PLAG1: variants seen among roughly 807,000 people sequenced by gnomAD.
PLAG1 encodes PLAG1 zinc finger.
PLAG1 carries 7 observed loss-of-function variants against 35.5 expected under a neutral mutation model. The observed-to-expected ratio is 0.20, with a 90% CI of 0.11 to 0.37. PLAG1 has a LOEUF of 0.37. PLAG1 is among the 10% of genes least tolerant of loss of function. The pLI, the probability that PLAG1 is intolerant of heterozygous loss-of-function variation, is 1.00. For missense variants in PLAG1, 454 were observed against 602.8 expected (o/e 0.75, Z 2.58); for synonymous variants, 229 against 225.4 (o/e 1.02, Z -0.14).
chr8:56,195,307 A>G (rs1259335860), intron 1 of PLAG1, among the ~76,000 whole-genome samples: 3 of 152,174 alleles, frequency 2.0e-5, no homozygotes, highest in Non-Finnish European at 4.4e-5. Context: ...CTGGGAATCA[A>G]GACAATACCC....
intron 1 of PLAG1, among the ~76,000 whole-genome samples, chr8:56,181,685 C>G (rs772283364): frequency 6.6e-6 from 1 of 151,990 alleles, no homozygotes; most frequent in Non-Finnish European, 1.5e-5. Context: ...CAAACCTGCA[C>G]GTTCTGCACA....
In PLAG1 at chr8:56,167,439, G is replaced by T; in HGVS notation, c.307C>A (p.Arg103=). ...KCNYCEKMFH[R]KDHLKNHLHT... is the part of the protein sequence containing the mutation. Reference sequence around the variant, plus strand: ...AGGTGATTCTTCAGATGATCTTTCCGGTGAAACATTTTCTCACAATAATTA... The same window carrying T: ...AGGTGATTCTTCAGATGATCTTTCCTGTGAAACATTTTCTCACAATAATTA... The change falls in exon 5 of 5, where the codon CGG becomes AGG. Residue 103 remains arginine, a synonymous_variant. Transcript: ENST00000316981. The surrounding 1 kb of genome is among the most constrained non-coding windows in gnomAD (Gnocchi z 5.9). 1 of 1,612,654 alleles carries T rather than the reference G, an allele frequency of 6.2e-7. No homozygotes were observed. Among genetic ancestry groups the T allele is most frequent in the Non-Finnish European group, 8.5e-7 (1 of 1,179,116 alleles).
intron 1 of PLAG1, among the ~76,000 whole-genome samples, chr8:56,187,668 T>G (rs761141529): frequency 3.3e-5 from 5 of 152,190 alleles, no homozygotes; most frequent in Non-Finnish European, 5.9e-5. Flanking sequence ...TTGTTTTTTT[T>G]GGGCACAGGC....
chr8:56,199,079 C>T (rs577848349), intron 1 of PLAG1, among the ~76,000 whole-genome samples: 6 of 152,228 alleles, frequency 3.9e-5, no homozygotes, highest in South Asian at 2.1e-4. Flanking sequence ...CTAAAGGTAC[C>T]GCAGGAGTGG....
chr8:56,177,958 C>T lies in PLAG1; in HGVS notation c.-217+1451G>A, dbSNP rs562335944. ...CTCAAAAGCCAGGGAGTCTCAGGCA[C>T]GTGCTACCCAGAGCCCGCCAAGCAC... On this transcript the variant is annotated intron_variant, in intron 2 of 4. Transcript: ENST00000316981. 25 of 808,236 alleles carry T rather than the reference C, an allele frequency of 3.1e-5. No individual in the cohort carries two copies. The South Asian group carries it at 4.0e-4, about 13-fold the overall frequency. 50.1% of individuals were successfully genotyped at this position (808,236 alleles called of 1,614,324 possible).
intron 1 of PLAG1, among the ~76,000 whole-genome samples, chr8:56,194,014 G>C (rs1373168230): frequency 1.3e-5 from 2 of 151,946 alleles, no homozygotes; most frequent in Admixed American, 1.3e-4. Context: ...CACCACGCCC[G>C]GCCTTCATTA....
intron 1 of PLAG1, among the ~76,000 whole-genome samples, chr8:56,205,715 CA>C (rs1241114508): frequency 6.6e-6 from 1 of 151,518 alleles, no homozygotes; most frequent in Non-Finnish European, 1.5e-5. Flanking sequence ...TAAAAGGCAC[CA>C]AAAAAAATTT....
intron 2 of PLAG1, among the ~76,000 whole-genome samples, chr8:56,173,474 A>C (rs114347632): frequency 2.0e-5 from 3 of 152,246 alleles, no homozygotes; most frequent in African/African-American, 7.2e-5. Context: ...AAGTTAGATA[A>C]AATTATCTGT....
At chr8:56,191,698 T>G (rs1407440130) in intron 1 of PLAG1, among the ~76,000 whole-genome samples, 1 of 152,050 alleles carries the variant, frequency 6.6e-6, no homozygotes, top group Non-Finnish European at 1.5e-5. Context: ...CAAATTCCAT[T>G]TAATTCAGAG....
intron 1 of PLAG1, among the ~76,000 whole-genome samples, chr8:56,189,090 T>C (rs1812104975): frequency 6.6e-6 from 1 of 152,228 alleles, no homozygotes; most frequent in African/African-American, 2.4e-5. Flanking sequence ...GAACAGTGGA[T>C]GCACACAGGG....
At chr8:56,173,822 T>C (rs986042223) in intron 2 of PLAG1, among the ~76,000 whole-genome samples, 2 of 152,250 alleles carry the variant, frequency 1.3e-5, no homozygotes, top group South Asian at 2.1e-4. Context: ...TATGGCGTGT[T>C]TGTGCACACA....
At chr8:56,193,504 G>A (rs1425606728) in intron 1 of PLAG1, among the ~76,000 whole-genome samples, 1 of 152,056 alleles carries the variant, frequency 6.6e-6, no homozygotes, top group Non-Finnish European at 1.5e-5. Flanking sequence ...AGTTTATGAT[G>A]TTTACATCTT....
At chr8:56,204,703 AAGAT>A (rs1812649714) in intron 1 of PLAG1, among the ~76,000 whole-genome samples, 1 of 151,948 alleles carries the variant, frequency 6.6e-6, no homozygotes, top group African/African-American at 2.4e-5. Flanking sequence ...CAGAAACAAA[AAGAT>A]AGGAAATCAC....
Position 56,166,529 on chromosome 8 carries a change from G to A in PLAG1, c.1217C>T (p.Ser406Phe). The A allele has an allele frequency of 6.2e-7, 1 of 1,614,038 alleles. No individual in the cohort carries two copies. The highest frequency in any genetic ancestry group is 8.5e-7 in the Non-Finnish European group (1 of 1,179,946). Residue 406 changes from serine (S) to phenylalanine (F), a missense_variant, in exon 5 of 5, where the codon TCC (serine) becomes TTC (phenylalanine). Physicochemically the swap from Ser to Phe is radical, Grantham distance 155. Transcript: ENST00000316981. Reference protein sequence around the residue: ...GDLSLSKSSISISDPLNTPAL... With the variant: ...GDLSLSKSSIFISDPLNTPAL... ...TGGTGTGTTTAGGGGGTCACTGATG[G>A]AGATAGAGCTTTTGGATAGGGAGAG... is the stretch of plus-strand genomic sequence containing the variant.
At chr8:56,211,011 T>TGCC (rs1297565128) in intron 1 of PLAG1, 110 bp downstream of exon 1, 2 of 153,256 alleles carry the variant, frequency 1.3e-5, no homozygotes, top group Non-Finnish European at 2.9e-5. Flanking sequence ...TTCCTCCTCC[T>TGCC]GCCGCCGCCG....
intron 1 of PLAG1, among the ~76,000 whole-genome samples, chr8:56,201,898 T>C (rs1376657539): frequency 6.6e-6 from 1 of 151,944 alleles, no homozygotes; most frequent in Non-Finnish European, 1.5e-5. Context: ...ATTCAGGGAA[T>C]AATTCAACCA....
intron 1 of PLAG1, among the ~76,000 whole-genome samples, chr8:56,196,178 A>T (rs1487871578): frequency 6.6e-6 from 1 of 152,170 alleles, no homozygotes; most frequent in Non-Finnish European, 1.5e-5. Flanking sequence ...GGCATGAAAT[A>T]ACTTCACACC....
In PLAG1 at chr8:56,168,251, C is replaced by A. The variant is rs1811415644; in HGVS notation, c.19G>T (p.Gly7Cys). 6.2e-7 allele frequency: 1 copy of A among 1,612,326 alleles called. No homozygotes were observed. Among genetic ancestry groups the A allele is most frequent in the Admixed American group, 1.7e-5 (1 of 59,890 alleles). Residue 7 changes from glycine to cysteine, a missense_variant, in exon 4 of 5, where the codon GGT (glycine) becomes TGT (cysteine). Physicochemically the swap from Gly to Cys is radical, Grantham distance 159 (BLOSUM62 -3). Coordinates refer to ENST00000316981, the MANE Select transcript of PLAG1 (RefSeq NM_002655.3). MATVIP[G>C]DLSEVRDTQK... Reference sequence around the variant, plus strand: ...GTATCTCTTACTTCTGACAAATCACCAGGAATGACAGTGGCCATCGCAGCC... The same window carrying A: ...GTATCTCTTACTTCTGACAAATCACAAGGAATGACAGTGGCCATCGCAGCC...
rs1394601870 is a variant in PLAG1 at position 56,164,473 on chromosome 8, C to T, written c.*1770G>A. ...CTCATTTTTAGAAATTCTTGGTAAA[C>T]ATTGCAATCTGCAGTGATAACTGGC... is the stretch of plus-strand genomic sequence containing the variant. On this transcript the variant is annotated 3_prime_UTR_variant, in exon 5 of 5. Transcript: ENST00000316981. 1 of 221,692 alleles carries T rather than the reference C, an allele frequency of 4.5e-6. No individual in the cohort carries two copies. Among genetic ancestry groups the T allele is most frequent in the South Asian group, 1.8e-4 (1 of 5,418 alleles). 13.7% of individuals were successfully genotyped at this position (221,692 alleles called of 1,614,324 possible). A position where few individuals can be genotyped will look rare whatever the true frequency, so the allele number is the denominator to read the frequency against.
Sources: allele counts gnomAD v4.1 joint callset (sites outside exome capture counted in the v4.1 genomes callset), GRCh38; gene constraint gnomAD v4.1.1; non-coding constraint Gnocchi (gnomAD v3.1); transcripts MANE v1.5; gene names NCBI Gene and HGNC (gene_info 2026-07-23, HGNC 2026-07-21).